Variants in TMEM132D observed in about 807,000 individuals in gnomAD.
TMEM132D encodes mature OL transmembrane protein.
Under a neutral mutation model 62.3 loss-of-function variants are expected in TMEM132D, and 21 were observed. The observed-to-expected ratio is 0.34, with a 90% CI of 0.24 to 0.49. The LOEUF (loss-of-function observed/expected upper bound fraction) is 0.49, where lower values mean the gene tolerates loss of function less well. Ranked by LOEUF, TMEM132D falls within the 20% of genes least tolerant of loss-of-function variation. The probability of loss-of-function intolerance (pLI) is 0.99; values close to 1 mark genes in which losing one functional copy is unlikely to be tolerated. For missense variants in TMEM132D, 1,346 were observed against 1,402.8 expected (o/e 0.96, Z 0.65); for synonymous variants, 621 against 575.6 (o/e 1.08, Z -1.13).
chr12:129,684,368 C>A (rs960786587), intron 2 of TMEM132D, among the ~76,000 whole-genome samples: 6 of 152,048 alleles, frequency 3.9e-5, no homozygotes, highest in Non-Finnish European at 7.3e-5. Context: ...TTCCTTCCTG[C>A]CATCATGTGA....
intron 1 of TMEM132D, among the ~76,000 whole-genome samples, chr12:129,774,459 T>TA (rs1870855528): frequency 6.6e-6 from 1 of 152,158 alleles, no homozygotes; most frequent in South Asian, 2.1e-4. Context: ...AGATCGGGTG[T>TA]AACCTGAAGG....
At chr12:129,725,445 A>C (rs753362805) in intron 1 of TMEM132D, among the ~76,000 whole-genome samples, 7 of 152,232 alleles carry the variant, frequency 4.6e-5, no homozygotes, top group South Asian at 2.1e-4. Context: ...TGGTGATGCC[A>C]CCGAACTTGG....
chr12:129,494,158 A>T (rs754065493), intron 3 of TMEM132D, among the ~76,000 whole-genome samples: 2 of 152,202 alleles, frequency 1.3e-5, no homozygotes, highest in Non-Finnish European at 2.9e-5. Context: ...AGGGTCAGGC[A>T]TTTACATGGA....
At chr12:129,407,770 C>T (rs1190563940) in intron 3 of TMEM132D, among the ~76,000 whole-genome samples, 2 of 151,028 alleles carry the variant, frequency 1.3e-5, no homozygotes, top group African/African-American at 4.9e-5. Flanking sequence ...GGTGTGGTGG[C>T]GGGTGCCTGT....
chr12:129,781,663 A>G (rs1442995388), intron 1 of TMEM132D, among the ~76,000 whole-genome samples: 1 of 152,154 alleles, frequency 6.6e-6, no homozygotes, highest in Non-Finnish European at 1.5e-5. Context: ...GCCTGTAGGA[A>G]GCAAAGAACC....
intron 2 of TMEM132D, among the ~76,000 whole-genome samples, chr12:129,669,060 T>C (rs1334641889): frequency 6.6e-6 from 1 of 152,218 alleles, no homozygotes; most frequent in Non-Finnish European, 1.5e-5. Flanking sequence ...AACCCATGGC[T>C]GGGCTCGGCT....
intron 1 of TMEM132D, among the ~76,000 whole-genome samples, chr12:129,735,430 TA>T (rs1184310138): frequency 6.6e-6 from 1 of 152,204 alleles, no homozygotes; most frequent in Non-Finnish European, 1.5e-5. Context: ...TACATTAGCA[TA>T]AAACATGTAA....
At chr12:129,373,659 A>T (rs927730031) in intron 3 of TMEM132D, among the ~76,000 whole-genome samples, 4 of 137,524 alleles carry the variant, frequency 2.9e-5, no homozygotes, top group African/African-American at 1.1e-4. Flanking sequence ...AAAACAAAAT[A>T]AAAAAAACAA....
intron 4 of TMEM132D, among the ~76,000 whole-genome samples, chr12:129,214,422 A>T (rs1457813284): frequency 6.6e-6 from 1 of 152,218 alleles, no homozygotes; most frequent in African/African-American, 2.4e-5. Flanking sequence ...ACACTGCACA[A>T]GGGAAGCTTT....
chr12:129,502,470 G>C (rs1004475024), intron 3 of TMEM132D, among the ~76,000 whole-genome samples: 1 of 152,094 alleles, frequency 6.6e-6, no homozygotes, highest in African/African-American at 2.4e-5. Flanking sequence ...ACCAGTTTAA[G>C]CAAATACGTA....
intron 2 of TMEM132D, among the ~76,000 whole-genome samples, chr12:129,577,147 C>T (rs1396755674): frequency 6.6e-6 from 1 of 151,788 alleles, no homozygotes; most frequent in Non-Finnish European, 1.5e-5. Context: ...TACTTGAGAA[C>T]CACTAGAGAT....
intron 4 of TMEM132D, among the ~76,000 whole-genome samples, chr12:129,216,995 T>G (rs561572972): frequency 1.6e-4 from 25 of 152,206 alleles, no homozygotes; most frequent in Admixed American, 7.2e-4. Flanking sequence ...AAAAACATTT[T>G]TTGTTGTTGT....
intron 5 of TMEM132D, among the ~76,000 whole-genome samples, chr12:129,183,921 C>T (rs999218794): frequency 1.3e-5 from 2 of 152,172 alleles, no homozygotes; most frequent in African/African-American, 4.8e-5. Flanking sequence ...CAACAGAGAC[C>T]CAACCACTCA....
At chr12:129,824,420 C>G (rs1008084300) in intron 1 of TMEM132D, among the ~76,000 whole-genome samples, 1 of 152,002 alleles carries the variant, frequency 6.6e-6, no homozygotes, top group Non-Finnish European at 1.5e-5. Context: ...ATTGTGTTAC[C>G]GACTCAATGC....
intron 2 of TMEM132D, among the ~76,000 whole-genome samples, chr12:129,640,225 C>T (rs1218266555): frequency 6.6e-6 from 1 of 152,134 alleles, no homozygotes; most frequent in Non-Finnish European, 1.5e-5. Flanking sequence ...ATATTAGGTT[C>T]TCCAGGCCAA....
intron 1 of TMEM132D, among the ~76,000 whole-genome samples, chr12:129,789,401 T>C (rs563625073): frequency 1.3e-5 from 2 of 152,276 alleles, no homozygotes; most frequent in Admixed American, 1.3e-4. Flanking sequence ...AAAGAAGCCA[T>C]TATGTGAAAA....
intron 4 of TMEM132D, among the ~76,000 whole-genome samples, chr12:129,237,104 A>G (rs1445586414): frequency 6.6e-6 from 1 of 152,076 alleles, no homozygotes; most frequent in Non-Finnish European, 1.5e-5. Flanking sequence ...AATCCTTTTA[A>G]TATGCTATTG....
At chr12:129,092,042 C>T (rs1291323611) in intron 5 of TMEM132D, among the ~76,000 whole-genome samples, 2 of 152,218 alleles carry the variant, frequency 1.3e-5, no homozygotes, top group Non-Finnish European at 2.9e-5. Flanking sequence ...AATTTATTAA[C>T]TACCACATTA....
intron 5 of TMEM132D, among the ~76,000 whole-genome samples, chr12:129,188,610 A>G (rs1878284214): frequency 1.3e-5 from 2 of 152,108 alleles, no homozygotes; most frequent in African/African-American, 4.8e-5. Context: ...GCTTGTGGAG[A>G]CACATACTAG....
Sources: allele counts gnomAD v4.1 joint callset (sites outside exome capture counted in the v4.1 genomes callset), GRCh38; gene constraint gnomAD v4.1.1; transcripts MANE v1.5; gene names NCBI Gene and HGNC (gene_info 2026-07-23, HGNC 2026-07-21).